ADD1: variants seen among roughly 807,000 people sequenced by gnomAD.
The protein encoded by ADD1 is alpha-adducin.
In ADD1, 24 loss-of-function variants were observed where a neutral mutation model predicts 80.5. The observed-to-expected ratio is 0.30, with a 90% CI of 0.22 to 0.42. ADD1 has a LOEUF of 0.42. Ranked by LOEUF, ADD1 falls within the 10% of genes least tolerant of loss-of-function variation. The pLI is 1.00. For synonymous variants in ADD1, 373 were observed against 393.8 expected (o/e 0.95, Z 0.63); for missense variants, 948 against 1,019.0 (o/e 0.93, Z 0.95).
chr4:2,924,619 C>T (rs956274355), intron 14 of ADD1, among the ~76,000 whole-genome samples: 1 of 152,170 alleles, frequency 6.6e-6, no homozygotes, highest in East Asian at 1.9e-4. Context: ...ACCTCTTCAC[C>T]GGTTTTTGTC....
chr4:2,865,398 C>T (rs933028515), intron 1 of ADD1, among the ~76,000 whole-genome samples: 1 of 152,230 alleles, frequency 6.6e-6, no homozygotes, highest in Non-Finnish European at 1.5e-5. Flanking sequence ...GCACCATCCT[C>T]AGAAGTTTCA....
chr4:2,902,239 CT>C (rs1263285630), intron 9 of ADD1: 1 of 152,156 alleles, frequency 6.6e-6, no homozygotes, highest in African/African-American at 2.4e-5. Context: ...AGTTCTGGCT[CT>C]TTAAGCAAAA....
chr4:2,908,654 G>T (rs55833888), intron 12 of ADD1, 50 bp downstream of exon 12: 2 of 1,442,978 alleles, frequency 1.4e-6, no homozygotes, highest in African/African-American at 1.4e-5. Flanking sequence ...CTGTGTGACC[G>T]CCTGCTCCAA....
At chr4:2,927,958 G>C (rs1712157020) in intron 15 of ADD1, among the ~76,000 whole-genome samples, 2 of 152,200 alleles carry the variant, frequency 1.3e-5, no homozygotes, top group Non-Finnish European at 2.9e-5. Flanking sequence ...ACCAGAAGGA[G>C]CTAAAAACTA....
At chr4:2,856,641 G>A (rs1167670672) in intron 1 of ADD1, among the ~76,000 whole-genome samples, 1 of 147,678 alleles carries the variant, frequency 6.8e-6, no homozygotes, top group Non-Finnish European at 1.5e-5. Context: ...GCTCAGGCTG[G>A]AGTGCTGTGG....
At chr4:2,854,197 G>A (rs1310352090) in intron 1 of ADD1, among the ~76,000 whole-genome samples, 2 of 152,040 alleles carry the variant, frequency 1.3e-5, no homozygotes, top group African/African-American at 2.4e-5. Flanking sequence ...GGTGGCACAC[G>A]CCTGTAATAC....
chr4:2,866,494 G>GTT (rs10717054), intron 1 of ADD1, among the ~76,000 whole-genome samples: 1 of 146,802 alleles, frequency 6.8e-6, no homozygotes, highest in Non-Finnish European at 1.5e-5. Flanking sequence ...ATTTTAAATC[G>GTT]TTTTTTTTTT....
chr4:2,908,466 G>A, intron 11 of ADD1, 49 bp from the exon 12 acceptor site: 1 of 1,545,412 alleles, frequency 6.5e-7, no homozygotes. Flanking sequence ...CTCCCAGGCA[G>A]CATGGCTGCT....
chr4:2,890,039 A>T (rs1734038152), intron 4 of ADD1, among the ~76,000 whole-genome samples: 1 of 151,700 alleles, frequency 6.6e-6, no homozygotes, highest in African/African-American at 2.4e-5. Flanking sequence ...CTCTGCTAAA[A>T]ATGCAAAATT....
intron 1 of ADD1, among the ~76,000 whole-genome samples, chr4:2,873,482 A>G (rs1336521809): frequency 2.6e-5 from 4 of 152,240 alleles, no homozygotes; most frequent in Non-Finnish European, 5.9e-5. Context: ...GGAATGGAGC[A>G]TGTATATACC....
At position 2,875,963 on chromosome 4, in the gene ADD1, C is replaced by A; in HGVS notation, c.48C>A (p.Thr16=). 6.2e-7 allele frequency: 1 copy of A among 1,613,772 alleles called. No individual in the cohort carries two copies. Among genetic ancestry groups the A allele is most frequent in the Non-Finnish European group, 8.5e-7 (1 of 1,179,844 alleles). Residue 16 remains threonine, a synonymous_variant, in exon 2 of 16, where the codon ACC becomes ACA. Coordinates refer to ENST00000683351, the MANE Select transcript of ADD1 (RefSeq NM_001354761.2). The part of the protein sequence containing the change: ...RAAVVTSPPP[T]TAPHKERYFD... ...CGGTGGTGACCTCACCACCCCCGAC[C>A]ACAGCCCCTCACAAGGAGAGGTACT...
At chr4:2,921,007 A>G (rs958889507) in intron 14 of ADD1, among the ~76,000 whole-genome samples, 1 of 152,144 alleles carries the variant, frequency 6.6e-6, no homozygotes, top group East Asian at 1.9e-4. Flanking sequence ...TGCTTGCTTC[A>G]GGTGCTATTG....
At chr4:2,881,406 T>C (rs1732309840) in intron 2 of ADD1, among the ~76,000 whole-genome samples, 1 of 152,172 alleles carries the variant, frequency 6.6e-6, no homozygotes, top group South Asian at 2.1e-4. Context: ...TCTTTTTCTA[T>C]GTTTAGGTAT....
At chr4:2,883,823 C>T (rs936878041) in intron 3 of ADD1, among the ~76,000 whole-genome samples, 4 of 152,094 alleles carry the variant, frequency 2.6e-5, no homozygotes, top group African/African-American at 9.7e-5. Flanking sequence ...AGGCGCCCAC[C>T]ACCACGTCTG....
chr4:2,853,541 T>G (rs1727629104), intron 1 of ADD1: 1 of 152,230 alleles, frequency 6.6e-6, no homozygotes. Context: ...GGCCCATAAA[T>G]TATTTTAAAA....
At chr4:2,845,694 T>C (rs1457632559) in intron 1 of ADD1, among the ~76,000 whole-genome samples, 1 of 152,214 alleles carries the variant, frequency 6.6e-6, no homozygotes, top group Non-Finnish European at 1.5e-5. Context: ...TTATCTGATA[T>C]ACTGAGAAGG....
intron 8 of ADD1, 105 bp from the exon 9 acceptor site, chr4:2,899,154 C>A: frequency 8.8e-7 from 1 of 1,141,640 alleles, no homozygotes; most frequent in Non-Finnish European, 1.2e-6. Flanking sequence ...TATTCTTACA[C>A]TCTAGAGATT....
At chr4:2,895,871 T>C (rs1305130639) in intron 6 of ADD1, among the ~76,000 whole-genome samples, 1 of 152,208 alleles carries the variant, frequency 6.6e-6, no homozygotes, top group African/African-American at 2.4e-5. Flanking sequence ...GATGACCTTA[T>C]TGATTCAGTA....
At chr4:2,908,844 T>A (rs531618219) in intron 12 of ADD1, 23 of 551,014 alleles carry the variant, frequency 4.2e-5, no homozygotes, top group Admixed American at 6.4e-5. Flanking sequence ...TGCATGCATA[T>A]GTGAGGGTGG....
Sources: allele counts gnomAD v4.1 joint callset (sites outside exome capture counted in the v4.1 genomes callset), GRCh38; gene constraint gnomAD v4.1.1; transcripts MANE v1.5; gene names NCBI Gene and HGNC (gene_info 2026-07-23, HGNC 2026-07-21).